Variants in MYH11 observed in about 807,000 individuals in gnomAD.
MYH11 encodes myosin-11.
In MYH11, 80 loss-of-function variants were observed where a neutral mutation model predicts 246.6. That is an observed-to-expected ratio of 0.32 (90% CI 0.27 to 0.39). The LOEUF (loss-of-function observed/expected upper bound fraction) is 0.39. Ranked by LOEUF, MYH11 falls within the 10% of genes least tolerant of loss-of-function variation. The probability of loss-of-function intolerance (pLI) is 1.00; values close to 1 mark genes in which losing one functional copy is unlikely to be tolerated. For synonymous variants in MYH11, 1,071 were observed against 1,015.5 expected, an observed-to-expected ratio of 1.05 and a Z score of -1.04; for missense variants, 2,158 against 2,546.8, an observed-to-expected ratio of 0.85 and a Z score of 3.29.
At chr16:15,747,045 G>A (rs1390459915) in intron 19 of MYH11, among the ~76,000 whole-genome samples, 9 of 151,936 alleles carry the variant, frequency 5.9e-5, no homozygotes. Flanking sequence ...TTGAGACTGC[G>A]CCACTGCACT....
chr16:15,801,284 C>T (rs755361719), intron 3 of MYH11, among the ~76,000 whole-genome samples: 12 of 152,070 alleles, frequency 7.9e-5, no homozygotes, highest in Non-Finnish European at 1.6e-4. Context: ...TGGATGGACA[C>T]AGAAAAATAT....
chr16:15,736,634 G>A (rs556402838), intron 25 of MYH11, among the ~76,000 whole-genome samples: 5 of 152,214 alleles, frequency 3.3e-5, no homozygotes, highest in East Asian at 1.9e-4. Context: ...CTTCATCACC[G>A]TAGCACTGTC....
intron 9 of MYH11, among the ~76,000 whole-genome samples, chr16:15,765,807 A>G (rs1001769245): frequency 6.6e-6 from 1 of 152,176 alleles, no homozygotes; most frequent in African/African-American, 2.4e-5. Flanking sequence ...TTGGAAACAC[A>G]CTTCCTTTTA....
intron 2 of MYH11, among the ~76,000 whole-genome samples, chr16:15,831,429 A>G (rs899586714): frequency 4.0e-5 from 6 of 151,448 alleles, no homozygotes; most frequent in Non-Finnish European, 8.8e-5. Context: ...ATCATACTGC[A>G]AAACATACAA....
intron 1 of MYH11, among the ~76,000 whole-genome samples, chr16:15,855,625 C>T (rs1175175502): frequency 6.6e-6 from 1 of 152,170 alleles, no homozygotes; most frequent in Non-Finnish European, 1.5e-5. Flanking sequence ...TTAAATGTTG[C>T]AACAGCATGT....
chr16:15,767,648 C>T (rs1035610539), intron 9 of MYH11, among the ~76,000 whole-genome samples: 3 of 152,010 alleles, frequency 2.0e-5, no homozygotes, highest in Non-Finnish European at 4.4e-5. Flanking sequence ...TGGAAAAAAT[C>T]GGTCTTCGCA....
intron 9 of MYH11, among the ~76,000 whole-genome samples, chr16:15,770,426 C>T (rs904895423): frequency 2.6e-5 from 4 of 152,272 alleles, no homozygotes; most frequent in Middle Eastern, 3.4e-3. Flanking sequence ...GCACATCTAA[C>T]GCAGAAGGAA....
chr16:15,753,273 T>C, intron 15 of MYH11, 121 bp downstream of exon 15: 1 of 858,374 alleles, frequency 1.2e-6, no homozygotes, highest in Non-Finnish European at 1.9e-6. Flanking sequence ...GCCAATGCTC[T>C]TCCTTCCCCT....
At chr16:15,826,231 T>TA (rs1424089919) in intron 2 of MYH11, among the ~76,000 whole-genome samples, 1 of 151,970 alleles carries the variant, frequency 6.6e-6, no homozygotes, top group African/African-American at 2.4e-5. Flanking sequence ...ATTAGAACAT[T>TA]AAAAAAACAC....
chr16:15,708,558 G>T (rs1298648451), intron 40 of MYH11, among the ~76,000 whole-genome samples: 2 of 152,146 alleles, frequency 1.3e-5, no homozygotes, highest in African/African-American at 4.8e-5. Context: ...CACACTGTTG[G>T]GTGTCATGTC....
chr16:15,765,465 A>G (rs768518784), intron 9 of MYH11, among the ~76,000 whole-genome samples: 7 of 151,840 alleles, frequency 4.6e-5, no homozygotes, highest in Non-Finnish European at 1.0e-4. Context: ...GGATGGATGG[A>G]CAGATGATGG....
chr16:15,826,777 C>T (rs2043579197), intron 2 of MYH11, among the ~76,000 whole-genome samples: 1 of 151,522 alleles, frequency 6.6e-6, no homozygotes, highest in Non-Finnish European at 1.5e-5. Flanking sequence ...AGATTGCTCA[C>T]ACTCAGGAGT....
At chr16:15,763,741 T>TCGGCCCCCCCCCCC in intron 10 of MYH11, 55 bp downstream of exon 10, 1 of 646,858 alleles carries the variant, frequency 1.5e-6, no homozygotes. Context: ...AAATGTCACC[T>TCGGCCCCCCCCCCC]CCCCCACCCC....
chr16:15,837,208 T>A (rs1017763892), intron 2 of MYH11, among the ~76,000 whole-genome samples: 2 of 152,112 alleles, frequency 1.3e-5, no homozygotes, highest in Non-Finnish European at 2.9e-5. Flanking sequence ...CATCCTCATG[T>A]CTCCTACCCA....
chr16:15,791,783 C>T (rs1013843271), intron 4 of MYH11: 2 of 150,794 alleles, frequency 1.3e-5, no homozygotes, highest in Non-Finnish European at 2.9e-5. Context: ...AAGTGATACT[C>T]CTGCCCCAAT....
Position 15,776,145 on chromosome 16 carries a change from T to C in MYH11, c.822A>G (p.Gln274=), listed in dbSNP as rs2042216068. The C allele has an allele frequency of 2.5e-6, 4 of 1,614,148 alleles. 1 individual carries two copies. The East Asian group carries it at 8.9e-5, about 36-fold the overall frequency. The change falls in exon 8 of 41, where the codon CAA becomes CAG. Residue 274 remains glutamine (Q), a synonymous_variant. Transcript: ENST00000300036. Reference sequence around the variant, plus strand: ...TGTGGAATGTCCTCTCGTCTCTGGCTTGGCGAATTGCCCGTGATTTTTCTA... The same window carrying C: ...TGTGGAATGTCCTCTCGTCTCTGGCCTGGCGAATTGCCCGTGATTTTTCTA... ...YLLEKSRAIR[Q]ARDERTFHIF...
intron 15 of MYH11, among the ~76,000 whole-genome samples, chr16:15,752,554 G>A (rs1055864897): frequency 3.3e-5 from 5 of 152,110 alleles, no homozygotes; most frequent in African/African-American, 1.2e-4. Flanking sequence ...TTAGATCTTA[G>A]GGTAGGCCCA....
chr16:15,839,475 C>T (rs1596939706), intron 1 of MYH11, among the ~76,000 whole-genome samples: 1 of 151,664 alleles, frequency 6.6e-6, no homozygotes, highest in East Asian at 1.9e-4. Flanking sequence ...AGTGGATCAC[C>T]TGAGGTCAGG....
intron 38 of MYH11, among the ~76,000 whole-genome samples, 176 bp downstream of exon 38, chr16:15,716,964 C>T (rs1461079964): frequency 6.6e-6 from 1 of 152,336 alleles, no homozygotes; most frequent in Non-Finnish European, 1.5e-5. Context: ...CAGGAACCAG[C>T]AGGGCACTTT....
Sources: allele counts gnomAD v4.1 joint callset (sites outside exome capture counted in the v4.1 genomes callset), GRCh38; gene constraint gnomAD v4.1.1; transcripts MANE v1.5; gene names NCBI Gene and HGNC (gene_info 2026-07-23, HGNC 2026-07-21).